The following KNDC1 variants were observed in gnomAD, a reference collection of about 807,000 sequenced individuals.
KNDC1 encodes kinase non-catalytic C-lobe domain containing 1.
KNDC1 carries 106 observed loss-of-function variants against 172.8 expected under a neutral mutation model. That is an observed-to-expected ratio of 0.61 (90% confidence interval 0.52 to 0.72). The LOEUF is 0.72. KNDC1 is among the 30% of genes least tolerant of loss of function. The pLI is 0.00. For missense variants in KNDC1, 2,325 were observed against 2,394.5 expected, an observed-to-expected ratio of 0.97 and a Z score of 0.61; for synonymous variants, 1,083 against 1,062.2, an observed-to-expected ratio of 1.02 and a Z score of -0.38.
chr10:133,211,301 C>G, intron 21 of KNDC1, 121 bp from the exon 22 acceptor site: 1 of 883,568 alleles, frequency 1.1e-6, no homozygotes, highest in East Asian at 2.7e-5. Flanking sequence ...GCCCCCTAAG[C>G]CCCCTGCACA....
rs750322751 is a variant in KNDC1, at chr10:133,167,536, C to T, written c.258C>T (p.Ala86=). The T allele has an allele frequency of 6.2e-7, 1 of 1,603,960 alleles. No homozygotes were observed. Among genetic ancestry groups the T allele is most frequent in the Non-Finnish European group, 8.5e-7 (1 of 1,175,726 alleles). Reference sequence around the variant, plus strand: ...TGTGCATCACGCCCGACACCCTGGCCTTCAACACCAGCGGGAACGTGTGTT... The same window carrying T: ...TGTGCATCACGCCCGACACCCTGGCTTTCAACACCAGCGGGAACGTGTGTT... The part of the protein sequence containing the change: ...QSLCITPDTL[A]FNTSGNVCFM... The change falls in exon 2 of 30, where the codon GCC becomes GCT. Residue 86 remains alanine, a synonymous_variant. Coordinates refer to ENST00000304613, the MANE Select transcript of KNDC1 (RefSeq NM_152643.8).
chr10:133,191,608 G>C (rs1392099967), intron 9 of KNDC1, among the ~76,000 whole-genome samples: 1 of 152,074 alleles, frequency 6.6e-6, no homozygotes, highest in African/African-American at 2.4e-5. Context: ...GCTGAAGCAG[G>C]AGAATTGCTT....
At chr10:133,193,437 A>C (rs565358533) in intron 9 of KNDC1, among the ~76,000 whole-genome samples, 1 of 152,338 alleles carries the variant, frequency 6.6e-6, no homozygotes, top group South Asian at 2.1e-4. Context: ...AGGCAGAAGA[A>C]TCACTGGAAT....
chr10:133,222,043 A>G (rs181436847), intron 29 of KNDC1, among the ~76,000 whole-genome samples: 4,699 of 58,584 alleles, frequency 0.08, 1,156 homozygotes, highest in Non-Finnish European at 0.13. Flanking sequence ...ACACTCTGGG[A>G]GGCCGAGGCG....
chr10:133,202,133 G>C (rs772751801), intron 17 of KNDC1: 1 of 703,320 alleles, frequency 1.4e-6, no homozygotes, highest in South Asian at 1.5e-5. Context: ...CTCCACGTCT[G>C]AGGACAGGGA....
chr10:133,213,667 C>T lies in KNDC1; in HGVS notation c.4466C>T (p.Pro1489Leu), dbSNP rs201539076. ...LQQELFQKCH[P>L]VHFLNSRALG... is the part of the protein sequence containing the mutation. ...CAGGAGTTGTTTCAAAAGTGCCACC[C>T]GGTCCACTTCCTGAACTCACGGGCC... Residue 1489 changes from proline to leucine, a missense_variant, in exon 25 of 30, where the codon CCG becomes CTG. Transcript: ENST00000304613. 1.5e-5 allele frequency: 24 copies of T among 1,613,946 alleles called. No individual in the cohort carries two copies. Among genetic ancestry groups the T allele is most frequent in the East Asian group, 1.1e-4 (5 of 44,896 alleles).
chr10:133,207,440 G>C, intron 20 of KNDC1, 89 bp downstream of exon 20: 2 of 1,231,822 alleles, frequency 1.6e-6, no homozygotes, highest in Non-Finnish European at 2.3e-6. Context: ...CAGTCAGCTA[G>C]GCTGGGTTTG....
intron 9 of KNDC1, among the ~76,000 whole-genome samples, chr10:133,192,730 GA>G (rs1306496582): frequency 6.6e-6 from 1 of 152,136 alleles, no homozygotes; most frequent in Non-Finnish European, 1.5e-5. Context: ...GGAGACAATA[GA>G]AATTACACAG....
intron 1 of KNDC1, among the ~76,000 whole-genome samples, chr10:133,161,621 CG>C (rs1485221087): frequency 1.3e-5 from 2 of 152,272 alleles, no homozygotes; most frequent in East Asian, 1.9e-4. Context: ...TGAGGCTGTG[CG>C]GGGGTTGGCG....
At chr10:133,211,292 C>A in intron 21 of KNDC1, 130 bp from the exon 22 acceptor site, 2 of 800,120 alleles carry the variant, frequency 2.5e-6, no homozygotes, top group Non-Finnish European at 3.8e-6. Context: ...AGACCCCCAG[C>A]CCCCTAAGCC....
chr10:133,206,971 C>G lies in KNDC1; in HGVS notation c.3579+18C>G. On this transcript the variant is annotated intron_variant, in intron 19 of 29. Transcript: ENST00000304613. ...ATCTGCAGGCAAGTGGGCTCCGGGCCCCGCTCTGCCCCGTGAGGCAGTAGC... is the reference window on the plus strand; with the variant it reads ...ATCTGCAGGCAAGTGGGCTCCGGGCGCCGCTCTGCCCCGTGAGGCAGTAGC... The G allele has an allele frequency of 6.2e-7, 1 of 1,606,542 alleles. No individual in the cohort carries two copies. Among genetic ancestry groups the G allele is most frequent in the Non-Finnish European group, 8.5e-7 (1 of 1,173,342 alleles).
chr10:133,181,710 G>C (rs1853720658), intron 3 of KNDC1, among the ~76,000 whole-genome samples: 1 of 152,180 alleles, frequency 6.6e-6, no homozygotes, highest in South Asian at 2.1e-4. Flanking sequence ...GAAAAAGCCA[G>C]GATGCAGGCA....
intron 16 of KNDC1, among the ~76,000 whole-genome samples, chr10:133,201,138 T>C (rs1163346838): frequency 6.6e-6 from 1 of 152,190 alleles, no homozygotes; most frequent in Non-Finnish European, 1.5e-5. Context: ...ACTTTTTAAA[T>C]TCCAGAAGAA....
intron 3 of KNDC1, among the ~76,000 whole-genome samples, chr10:133,180,073 G>A (rs1420394999): frequency 1.3e-5 from 2 of 152,228 alleles, no homozygotes; most frequent in Non-Finnish European, 2.9e-5. Context: ...GCCTTCCCTG[G>A]CAACATGACC....
rs1406842420 is a variant in KNDC1 at position 133,213,975 on chromosome 10, C to G, written c.4530C>G (p.Ala1510=). The change falls in exon 26 of 30, where the codon GCC becomes GCG. Residue 1510 remains alanine, a synonymous_variant. Transcript: ENST00000304613. ...AGGGACCATATTTCTCTTCCAGAGC[C>G]AGCTCTTCTGAGTCTCTTTCGGCCA... ...VMDKSTAIPK[A]SSSESLSAKT... 2.5e-6 allele frequency: 4 copies of G among 1,614,060 alleles called. No individual in the cohort carries two copies. The highest frequency in any genetic ancestry group is 3.4e-6 in the Non-Finnish European group (4 of 1,179,994).
In KNDC1 at chr10:133,195,761, C is replaced by G; in HGVS notation, c.1674C>G (p.Leu558=). ...KLALPRRLKT[L]LLDMARRSAP... The stretch of plus-strand genomic sequence containing the variant: ...CCCTGCCACGCAGGCTCAAGACCCT[C>G]CTCCTGGACATGGCCAGGCGCAGTG... The change falls in exon 10 of 30, where the codon CTC becomes CTG. Residue 558 remains leucine (L), a synonymous_variant. Coordinates refer to ENST00000304613, the MANE Select transcript of KNDC1 (RefSeq NM_152643.8). 1 of 1,608,724 alleles carries G rather than the reference C, an allele frequency of 6.2e-7. No homozygotes were observed. The highest frequency in any genetic ancestry group is 8.5e-7 in the Non-Finnish European group (1 of 1,178,074).
Position 133,183,388 on chromosome 10 carries a change from G to A in KNDC1, c.405G>A (p.Glu135=). Residue 135 remains glutamate, a synonymous_variant, in exon 4 of 30, where the codon GAG becomes GAA. Coordinates refer to ENST00000304613, the MANE Select transcript of KNDC1 (RefSeq NM_152643.8). ...SLGATLKAAL[E]YVAEPTLEPR... ...GGGCCACGCTGAAGGCCGCCCTCGA[G>A]TACGTGGCAGAGCCCACACTGGAAC... 1 of 1,599,002 alleles carries A rather than the reference G, an allele frequency of 6.3e-7. No homozygotes were observed. Among genetic ancestry groups the A allele is most frequent in the East Asian group, 2.3e-5 (1 of 44,348 alleles).
rs1845707395 is a variant in KNDC1 at position 133,225,802 on chromosome 10, C to G, written c.*912C>G. The stretch of plus-strand genomic sequence containing the variant: ...CCACACACTCACGCTTCGCCAGAGA[C>G]AGGAAGTGCGCTGCCTCCACGGCCC... On this transcript the variant is annotated 3_prime_UTR_variant, in exon 30 of 30. Coordinates refer to ENST00000304613, the MANE Select transcript of KNDC1 (RefSeq NM_152643.8). 1 of 152,798 alleles carries G rather than the reference C, an allele frequency of 6.5e-6. No homozygotes were observed. Among genetic ancestry groups the G allele is most frequent in the Non-Finnish European group, 1.5e-5 (1 of 68,394 alleles). The allele number at this position is 152,798 out of a possible 1,614,324, so 9.5% of individuals were successfully genotyped here.
At chr10:133,205,940 C>T (rs1845176406) in intron 17 of KNDC1, among the ~76,000 whole-genome samples, 1 of 152,312 alleles carries the variant, frequency 6.6e-6, no homozygotes, top group African/African-American at 2.4e-5. Flanking sequence ...GTGGCTCACA[C>T]CTGTAATCCC....
Sources: gnomAD v4.1 joint callset for allele counts (sites outside exome capture counted in the v4.1 genomes callset) on GRCh38, gnomAD v4.1.1 for gene constraint, MANE v1.5 for transcripts, NCBI Gene and HGNC (gene_info 2026-07-23, HGNC 2026-07-21) for gene names.